The following EFL1 variants were observed in gnomAD, a reference collection of about 807,000 sequenced individuals.
EFL1 encodes the protein elongation factor like GTPase 1.
A neutral mutation model predicts 126.7 loss-of-function variants in EFL1; 76 were observed. That is an observed-to-expected ratio of 0.60 (90% CI 0.50 to 0.73). The LOEUF (loss-of-function observed/expected upper bound fraction) is 0.73, where lower values mean the gene tolerates loss of function less well. EFL1 is among the 30% of genes least tolerant of loss of function. The pLI is 0.00. For synonymous variants in EFL1, 410 were observed against 448.4 expected, an observed-to-expected ratio of 0.91 and a Z score of 1.08; for missense variants, 1,128 against 1,343.2, an observed-to-expected ratio of 0.84 and a Z score of 2.50.
rs763570684 is a variant in EFL1, at chr15:82,235,239, T to C, written c.731+3068A>G. Among the ~76,000 whole-genome samples, 75 of 152,324 alleles carry C rather than the reference T, an allele frequency of 4.9e-4. 1 individual carries two copies. The highest frequency in any genetic ancestry group is 8.2e-4 in the Non-Finnish European group (56 of 68,012). On this transcript the variant is annotated intron_variant, in intron 7 of 19. Transcript: ENST00000268206. Reference sequence around the variant, plus strand: ...TAGTAATATCTGTTTCAAAGGAGTGTTGTCAGAATTTGGTGAAATAATTTA... The same window carrying C: ...TAGTAATATCTGTTTCAAAGGAGTGCTGTCAGAATTTGGTGAAATAATTTA...
chr15:82,215,495 T>C (rs2074636019), intron 14 of EFL1: 1 of 152,080 alleles, frequency 6.6e-6, no homozygotes, highest in Non-Finnish European at 1.5e-5. Flanking sequence ...ATTTATTAGC[T>C]CCCCATACAT....
intron 19 of EFL1, among the ~76,000 whole-genome samples, chr15:82,135,280 G>A (rs961543683): frequency 1.3e-5 from 2 of 151,794 alleles, no homozygotes; most frequent in Non-Finnish European, 2.9e-5. Flanking sequence ...AGTATTACAT[G>A]TATAAGATCA....
chr15:82,195,357 A>C (rs966488137), intron 15 of EFL1, among the ~76,000 whole-genome samples: 21 of 152,214 alleles, frequency 1.4e-4, no homozygotes, highest in Non-Finnish European at 2.4e-4. Context: ...TTCAGGCTGT[A>C]AACCGTGCTA....
chr15:82,134,823 G>A (rs1408218589), intron 19 of EFL1, among the ~76,000 whole-genome samples: 1 of 152,220 alleles, frequency 6.6e-6, no homozygotes, highest in East Asian at 1.9e-4. Flanking sequence ...CATAGAAAGA[G>A]AAATTATGAG....
At chr15:82,156,352 T>G (rs1038069586) in intron 17 of EFL1, among the ~76,000 whole-genome samples, 2 of 152,170 alleles carry the variant, frequency 1.3e-5, no homozygotes, top group African/African-American at 2.4e-5. Context: ...AGTGGTGTGA[T>G]CTCAGCTCAC....
intron 15 of EFL1, among the ~76,000 whole-genome samples, chr15:82,172,082 T>TA (rs58160667): frequency 0.23 from 33,676 of 144,994 alleles, 3,905 homozygotes; most frequent in Non-Finnish European, 0.26. Context: ...CAAAAAACAT[T>TA]AAAAAAAAAA....
chr15:82,226,296 G>A (rs2074763224), intron 11 of EFL1, among the ~76,000 whole-genome samples: 1 of 152,190 alleles, frequency 6.6e-6, no homozygotes, highest in African/African-American at 2.4e-5. Context: ...AGCCTCCCGA[G>A]TAGCAGGGAC....
chr15:82,238,652 G>C, intron 6 of EFL1, 131 bp from the exon 7 acceptor site: 1 of 699,818 alleles, frequency 1.4e-6, no homozygotes, highest in Non-Finnish European at 2.4e-6. Context: ...TACATGAATG[G>C]AGGTGACATT....
At chr15:82,251,440 T>C (rs769519585) in intron 4 of EFL1, among the ~76,000 whole-genome samples, 6 of 152,106 alleles carry the variant, frequency 3.9e-5, no homozygotes, top group Non-Finnish European at 8.8e-5. Flanking sequence ...GGAGGGGGAC[T>C]AGAGACAAAG....
At chr15:82,254,320 TCAGTCAGTCC>T (rs1380749602) in intron 3 of EFL1, among the ~76,000 whole-genome samples, 1 of 152,228 alleles carries the variant, frequency 6.6e-6, no homozygotes, top group African/African-American at 2.4e-5. Flanking sequence ...CTCCAACCTC[TCAGTCAGTCC>T]TTCCTTCAGA....
intron 12 of EFL1, among the ~76,000 whole-genome samples, chr15:82,223,059 A>G (rs1470862793): frequency 6.6e-6 from 1 of 152,134 alleles, no homozygotes; most frequent in Non-Finnish European, 1.5e-5. Flanking sequence ...TAGGGAAAAA[A>G]TTTTTTAGGC....
chr15:82,222,524 A>G (rs897842958), intron 12 of EFL1, among the ~76,000 whole-genome samples: 1 of 152,210 alleles, frequency 6.6e-6, no homozygotes, highest in African/African-American at 2.4e-5. Flanking sequence ...ATCTGGAATA[A>G]TCAGCATGTA....
At chr15:82,260,305 G>A (rs2075102134) in intron 2 of EFL1, among the ~76,000 whole-genome samples, 1 of 151,948 alleles carries the variant, frequency 6.6e-6, no homozygotes. Context: ...AAAACTCATG[G>A]AGGCAGGGGT....
intron 15 of EFL1, among the ~76,000 whole-genome samples, chr15:82,204,228 A>C (rs2141285020): frequency 6.6e-6 from 1 of 152,224 alleles, no homozygotes; most frequent in Admixed American, 6.5e-5. Flanking sequence ...CCTTTCTCCT[A>C]ATCATATACT....
At chr15:82,156,948 A>G (rs2073974685) in intron 17 of EFL1, among the ~76,000 whole-genome samples, 1 of 152,222 alleles carries the variant, frequency 6.6e-6, no homozygotes, top group South Asian at 2.1e-4. Context: ...GCAAGTTCAA[A>G]TATTTATTGC....
At chr15:82,220,905 A>G (rs2074704963) in intron 12 of EFL1, among the ~76,000 whole-genome samples, 1 of 152,202 alleles carries the variant, frequency 6.6e-6, no homozygotes, top group Non-Finnish European at 1.5e-5. Flanking sequence ...TACTAAGTTG[A>G]ATACAAATTC....
intron 3 of EFL1, among the ~76,000 whole-genome samples, chr15:82,255,283 C>G: frequency 6.6e-6 from 1 of 152,136 alleles, no homozygotes; most frequent in East Asian, 1.9e-4. Context: ...AAGTTTTTTA[C>G]TGGCCATTTA....
At chr15:82,139,239 T>C (rs2073759391) in intron 18 of EFL1, among the ~76,000 whole-genome samples, 1 of 152,182 alleles carries the variant, frequency 6.6e-6, no homozygotes, top group Non-Finnish European at 1.5e-5. Flanking sequence ...CTTATTGACA[T>C]GGCAATGATA....
Position 82,256,185 on chromosome 15 carries a change from T to C in EFL1, c.159+2903A>G, listed in dbSNP as rs187427190. Among the ~76,000 whole-genome samples, 75 of 152,272 alleles carry C rather than the reference T, an allele frequency of 4.9e-4. 2 individuals are homozygous for C. The highest frequency in any genetic ancestry group is 4.5e-3 in the Admixed American group (69 of 15,300). On this transcript the variant is annotated intron_variant, in intron 3 of 19. Transcript: ENST00000268206. ...CGGAGTGCAGTTGCTGTCACAGCTC[T>C]TTGCAGCCTCAAACTCCTGGGTTTA...
Sources: gnomAD v4.1 joint callset for allele counts (sites outside exome capture counted in the v4.1 genomes callset) on GRCh38, gnomAD v4.1.1 for gene constraint, MANE v1.5 for transcripts, NCBI Gene and HGNC (gene_info 2026-07-23, HGNC 2026-07-21) for gene names.